Variants in CFAP74 observed in about 807,000 individuals in gnomAD.
The protein encoded by CFAP74 is cilia- and flagella-associated protein 74.
A neutral mutation model predicts 188.9 loss-of-function variants in CFAP74; 124 were observed. That is an observed-to-expected ratio of 0.66 (90% CI 0.57 to 0.76). CFAP74 has a LOEUF of 0.76. CFAP74 is among the 30% of genes least tolerant of loss of function. The pLI is 0.00. For synonymous variants in CFAP74, 956 were observed against 916.7 expected, an observed-to-expected ratio of 1.04 and a Z score of -0.77; for missense variants, 2,198 against 2,165.2, an observed-to-expected ratio of 1.02 and a Z score of -0.30.
chr1:1,966,924 T>C (rs867650472), intron 11 of CFAP74, among the ~76,000 whole-genome samples: 4 of 151,508 alleles, frequency 2.6e-5, no homozygotes, highest in South Asian at 2.1e-4. Context: ...GCAACTTCTA[T>C]CTCCCGGGTT....
intron 12 of CFAP74, 86 bp downstream of exon 12, chr1:1,966,285 T>G: frequency 7.9e-7 from 1 of 1,271,922 alleles, no homozygotes; most frequent in Non-Finnish European, 1.0e-6. Flanking sequence ...GCAGCTGGTG[T>G]GGCCGGGGCA....
chr1:1,955,714 T>G lies in CFAP74; in HGVS notation c.2153A>C (p.Glu718Ala). The G allele has an allele frequency of 6.2e-7, 1 of 1,609,830 alleles. No homozygotes were observed. Among genetic ancestry groups the G allele is most frequent in the Non-Finnish European group, 8.5e-7 (1 of 1,177,426 alleles). ...ACCTGCGGGCTGCTCCTCCTCCTGC[T>G]CCTTGTCCAGCTTCTCCAGCTCCTT... ...SRKELEKLDK[E>A]QEEEQPAEPE... Residue 718 changes from glutamate to alanine, a missense_variant, in exon 18 of 39, where the codon GAG becomes GCG. Physicochemically the swap from Glu to Ala is moderately radical, Grantham distance 107. Transcript: ENST00000682832.
chr1:1,938,081 G>A (rs543669711), intron 25 of CFAP74, among the ~76,000 whole-genome samples: 18 of 139,702 alleles, frequency 1.3e-4, no homozygotes, highest in Admixed American at 2.8e-4. Context: ...CAACACACAC[G>A]CACTCACACT....
chr1:1,956,769 CCTT>C lies in CFAP74; in HGVS notation c.1864_1866del (p.Lys622del). The C allele has an allele frequency of 6.2e-7, 1 of 1,613,042 alleles. No homozygotes were observed. Among genetic ancestry groups the C allele is most frequent in the Non-Finnish European group, 8.5e-7 (1 of 1,179,514 alleles). On this transcript the variant is annotated inframe_deletion, in exon 17 of 39. Coordinates refer to ENST00000682832, the MANE Select transcript of CFAP74 (RefSeq NM_001304360.2). ...ACGTAGCTGCCGAAGTCAATGAGCT[CCTT>C]GTCGAGGGACAGCTGCCAGAGGACA...
chr1:1,951,019 G>C lies in CFAP74; in HGVS notation c.2177-3965C>G, dbSNP rs574130592. ...GGAACGAATTAAAGTTAAACTGGAG[G>C]GGGGTGTATTAGTCTGTTTCACCCT... On this transcript the variant is annotated intron_variant, in intron 18 of 38. Coordinates refer to ENST00000682832, the MANE Select transcript of CFAP74 (RefSeq NM_001304360.2). Among the ~76,000 whole-genome samples the C allele has an allele frequency of 2.6e-5, 4 of 152,254 alleles. No homozygotes were observed. The South Asian group carries it at 8.3e-4, about 32-fold the overall frequency.
chr1:1,925,719 T>C, intron 33 of CFAP74, 64 bp downstream of exon 33: 2 of 1,553,486 alleles, frequency 1.3e-6, no homozygotes, highest in Non-Finnish European at 1.7e-6. Flanking sequence ...CTGGCCTGAG[T>C]CCTGCCTGGT....
intron 1 of CFAP74, among the ~76,000 whole-genome samples, chr1:1,991,236 G>A (rs978289017): frequency 5.3e-5 from 8 of 152,194 alleles, no homozygotes; most frequent in African/African-American, 1.9e-4. Context: ...AGCACTTTGG[G>A]AGGCCGAGGC....
chr1:1,963,952 C>T (rs939907139), intron 13 of CFAP74, 85 bp from the exon 14 acceptor site: 30 of 852,920 alleles, frequency 3.5e-5, no homozygotes, highest in Admixed American at 1.0e-4. Flanking sequence ...TCAAGGTAAC[C>T]GCTGGTGAGC....
At chr1:1,955,287 G>A in intron 18 of CFAP74, 15 of 1,295,812 alleles carry the variant, frequency 1.2e-5, no homozygotes, top group African/African-American at 1.5e-5. Flanking sequence ...GGGGAGGGCA[G>A]GGCCCGCCCG....
At chr1:1,993,003 C>A (rs547903176) in intron 1 of CFAP74, among the ~76,000 whole-genome samples, 1 of 151,260 alleles carries the variant, frequency 6.6e-6, no homozygotes, top group African/African-American at 2.4e-5. Context: ...GAATTTGAGA[C>A]CAGCCTGGCC....
intron 13 of CFAP74, among the ~76,000 whole-genome samples, chr1:1,964,520 T>C (rs1456767577): frequency 5.3e-5 from 8 of 152,252 alleles, no homozygotes; most frequent in African/African-American, 1.9e-4. Flanking sequence ...CCAGGCGCAG[T>C]GGCTCATGCC....
At chr1:1,956,553 C>G in intron 17 of CFAP74, 67 bp downstream of exon 17, 1 of 1,587,842 alleles carries the variant, frequency 6.3e-7, no homozygotes, top group Non-Finnish European at 8.6e-7. Context: ...CACCTCTGTT[C>G]ACCCACATGG....
At chr1:1,939,537 G>A (rs527913602) in intron 24 of CFAP74, 57 bp downstream of exon 24, 1 of 1,482,058 alleles carries the variant, frequency 6.7e-7, no homozygotes, top group Non-Finnish European at 9.1e-7. Flanking sequence ...GCTGCATCCT[G>A]TCCCCAGGAC....
chr1:1,927,458 T>TG, intron 28 of CFAP74, 149 bp downstream of exon 28: 1 of 772,188 alleles, frequency 1.3e-6, no homozygotes, highest in Non-Finnish European at 2.0e-6. Flanking sequence ...AGGCAGCACC[T>TG]GGATCCAGCT....
In CFAP74 at chr1:1,974,163, C is replaced by T. The variant is rs747666437; in HGVS notation, c.536G>A (p.Arg179Gln). The T allele has an allele frequency of 1.1e-4, 177 of 1,610,314 alleles. No homozygotes were observed. Among genetic ancestry groups the T allele is most frequent in the Middle Eastern group, 6.6e-4 (4 of 6,068 alleles). Residue 179 changes from arginine to glutamine, a missense_variant, in exon 7 of 39, where the codon CGA becomes CAA. Arg to Gln is a conservative substitution (Grantham distance 43). Coordinates refer to ENST00000682832, the MANE Select transcript of CFAP74 (RefSeq NM_001304360.2). Reference sequence around the variant, plus strand: ...GTCAGCTGTCCGGAAGGCCTCGAGTCGCCCCTCCTGGATCTCGATGTGCCA... The same window carrying T: ...GTCAGCTGTCCGGAAGGCCTCGAGTTGCCCCTCCTGGATCTCGATGTGCCA... The part of the protein sequence containing the change: ...TMWHIEIQEG[R>Q]LEAFRTADRE...
chr1:1,988,153 C>T (rs551689259), intron 4 of CFAP74: 15 of 490,528 alleles, frequency 3.1e-5, no homozygotes, highest in South Asian at 6.2e-5. Context: ...TTAGGAGTGA[C>T]GTATCATGTC....
At position 1,999,931 on chromosome 1, in the gene CFAP74, T is replaced by C. The variant is rs367569863; in HGVS notation, c.-20+3770A>G. 1.9e-3 allele frequency among the ~76,000 whole-genome samples: 291 copies of C among 151,928 alleles called. 2 individuals are homozygous for C. The South Asian group carries it at 0.031, about 16-fold the overall frequency. ...CTGTAATCCCAGCACTTTGGGAGGC[T>C]GAGGCGGGCGGATCATGAGGTCAGG... On this transcript the variant is annotated intron_variant, in intron 1 of 38. Coordinates refer to ENST00000682832, the MANE Select transcript of CFAP74 (RefSeq NM_001304360.2).
intron 23 of CFAP74, 120 bp from the exon 24 acceptor site, chr1:1,939,887 A>C (rs1653243789): frequency 1.0e-6 from 1 of 971,278 alleles, no homozygotes; most frequent in Non-Finnish European, 1.5e-6. Flanking sequence ...TTTCCAGGAC[A>C]CGACGAGGCC....
chr1:1,963,693 A>G (rs1317194152), intron 14 of CFAP74, 56 bp downstream of exon 14: 3 of 1,137,904 alleles, frequency 2.6e-6, no homozygotes, highest in East Asian at 2.3e-5. Flanking sequence ...GAAGGGACCT[A>G]TGAACCTCCT....
Sources: allele counts gnomAD v4.1 joint callset (sites outside exome capture counted in the v4.1 genomes callset), GRCh38; gene constraint gnomAD v4.1.1; transcripts MANE v1.5; gene names NCBI Gene and HGNC (gene_info 2026-07-23, HGNC 2026-07-21).